The following PTPRM variants were observed in gnomAD, a reference collection of about 807,000 sequenced individuals.
PTPRM encodes receptor-type tyrosine-protein phosphatase mu.
PTPRM carries 47 observed loss-of-function variants against 186.7 expected under a neutral mutation model. The ratio of observed to expected loss-of-function variants is 0.25; its 90% confidence interval spans 0.20 to 0.32. The LOEUF (loss-of-function observed/expected upper bound fraction) is 0.32. Among genes scored for constraint, PTPRM ranks in the 10% least tolerant of loss-of-function variants. The probability of loss-of-function intolerance (pLI) is 1.00; values close to 1 mark genes in which losing one functional copy is unlikely to be tolerated. For synonymous variants in PTPRM, 668 were observed against 674.9 expected (o/e 0.99, Z 0.16); for missense variants, 1,494 against 1,865.0 (o/e 0.80, Z 3.66).
At chr18:8,150,967 C>T (rs967067839) in intron 14 of PTPRM, among the ~76,000 whole-genome samples, 6 of 152,112 alleles carry the variant, frequency 3.9e-5, no homozygotes, top group African/African-American at 1.4e-4. Flanking sequence ...AGACAGCAGA[C>T]CAGCAAAGAT....
chr18:7,568,622 C>G lies in PTPRM; in HGVS notation c.73+731C>G, dbSNP rs527668002. ...CACCCTCGTCCCCCTAGCGGAGCGC[C>G]GCGGCCAGCTGCAACTTGTTCATCC... On this transcript the variant is annotated intron_variant, in intron 1 of 32. Coordinates refer to ENST00000580170, the MANE Select transcript of PTPRM (RefSeq NM_001105244.2). This position sits in a 1 kb window ranked among gnomAD's most constrained non-coding sequence, Gnocchi z 5.1. Among the ~76,000 whole-genome samples the G allele has an allele frequency of 6.6e-6, 1 of 152,312 alleles. No homozygotes were observed. Among genetic ancestry groups the G allele is most frequent in the Non-Finnish European group, 1.5e-5 (1 of 68,014 alleles).
intron 7 of PTPRM, among the ~76,000 whole-genome samples, chr18:7,966,592 G>T (rs554966251): frequency 6.9e-5 from 10 of 144,356 alleles, no homozygotes; most frequent in South Asian, 4.5e-4. Context: ...CAGGTCAGTG[G>T]GTGCGCGCAC....
chr18:8,269,224 A>G (rs1041790921), intron 19 of PTPRM, among the ~76,000 whole-genome samples: 3 of 152,062 alleles, frequency 2.0e-5, no homozygotes, highest in African/African-American at 7.2e-5. Flanking sequence ...CAAAATAAAC[A>G]TACAAAAATC....
chr18:7,948,626 G>A (rs150708674), intron 5 of PTPRM, among the ~76,000 whole-genome samples: 146 of 152,286 alleles, frequency 9.6e-4, no homozygotes, highest in African/African-American at 3.5e-3. Context: ...TAGTTACTAG[G>A]CACCTAATTC....
At chr18:8,167,958 A>C (rs1367407066) in intron 14 of PTPRM, among the ~76,000 whole-genome samples, 1 of 152,180 alleles carries the variant, frequency 6.6e-6, no homozygotes, top group Non-Finnish European at 1.5e-5. Flanking sequence ...CTGGCATTAG[A>C]GCTCTAAACT....
intron 9 of PTPRM, among the ~76,000 whole-genome samples, chr18:8,080,654 C>T (rs973710926): frequency 6.6e-6 from 1 of 152,108 alleles, no homozygotes; most frequent in Non-Finnish European, 1.5e-5. Context: ...GGCTGTTAGT[C>T]ACCATCAGCT....
At chr18:8,160,042 A>G (rs1436224232) in intron 14 of PTPRM, among the ~76,000 whole-genome samples, 2 of 152,118 alleles carry the variant, frequency 1.3e-5, no homozygotes, top group African/African-American at 4.8e-5. Flanking sequence ...GAATAGGAGT[A>G]CCTTTAAATT....
chr18:7,984,608 C>T (rs372104545), intron 7 of PTPRM, among the ~76,000 whole-genome samples: 1,359 of 114,674 alleles, frequency 0.012, 13 homozygotes, highest in African/African-American at 0.033. Context: ...TATATACACA[C>T]ACACACACAC....
At chr18:7,716,724 A>G (rs763136558) in intron 1 of PTPRM, among the ~76,000 whole-genome samples, 3 of 152,188 alleles carry the variant, frequency 2.0e-5, no homozygotes, top group Non-Finnish European at 4.4e-5. Flanking sequence ...ATAAACATGA[A>G]AAAAGCTCAT....
rs754718399 is a variant in PTPRM at position 7,955,421 on chromosome 18, A to G, written c.1132+7A>G. 14 of 1,603,004 alleles carry G rather than the reference A, an allele frequency of 8.7e-6. No homozygotes were observed. Among genetic ancestry groups the G allele is most frequent in the Non-Finnish European group, 1.1e-5 (13 of 1,172,788 alleles). On this transcript the variant is annotated splice_region_variant and intron_variant, in intron 7 of 32. Coordinates refer to ENST00000580170, the MANE Select transcript of PTPRM (RefSeq NM_001105244.2). ...ACAAGAACAAAGTGTGCTGGTGAGTATAAGGAACCCTGCAATTAATTGTCA... is the reference window on the plus strand; with the variant it reads ...ACAAGAACAAAGTGTGCTGGTGAGTGTAAGGAACCCTGCAATTAATTGTCA...
intron 29 of PTPRM, among the ~76,000 whole-genome samples, chr18:8,383,897 G>A (rs906762434): frequency 7.2e-5 from 11 of 152,198 alleles, no homozygotes; most frequent in African/African-American, 2.4e-5. Context: ...ATCCTGGGGT[G>A]GCACCTAGTG....
intron 1 of PTPRM, among the ~76,000 whole-genome samples, chr18:7,701,262 C>G (rs2039959699): frequency 6.7e-6 from 1 of 148,506 alleles, no homozygotes. Flanking sequence ...TGAGATCACA[C>G]CACTGCACGC....
chr18:8,165,677 G>A (rs1158853586), intron 14 of PTPRM, among the ~76,000 whole-genome samples: 10 of 152,306 alleles, frequency 6.6e-5, no homozygotes, highest in African/African-American at 1.4e-4. Flanking sequence ...TGAAATATGG[G>A]TAGTGTCAGG....
At chr18:7,711,388 A>G (rs2040210323) in intron 1 of PTPRM, among the ~76,000 whole-genome samples, 1 of 152,204 alleles carries the variant, frequency 6.6e-6, no homozygotes, top group South Asian at 2.1e-4. Context: ...CTGGGTTTCA[A>G]GCACAAAACT....
chr18:7,821,585 G>A (rs945982899), intron 2 of PTPRM, among the ~76,000 whole-genome samples: 1 of 151,986 alleles, frequency 6.6e-6, no homozygotes, highest in Non-Finnish European at 1.5e-5. Context: ...ATATACCTAT[G>A]ATGATGTTTA....
At chr18:7,995,441 C>T (rs1461603483) in intron 7 of PTPRM, 1 of 152,066 alleles carries the variant, frequency 6.6e-6, no homozygotes, top group African/African-American at 2.4e-5. Flanking sequence ...CAAGCATAAC[C>T]CTGATACCAA....
intron 13 of PTPRM, among the ~76,000 whole-genome samples, chr18:8,122,577 TG>T (rs756243392): frequency 4.6e-5 from 7 of 152,258 alleles, no homozygotes; most frequent in African/African-American, 2.4e-5. Flanking sequence ...TCTAGACTAA[TG>T]TTATATAGAA....
At chr18:8,179,077 T>C (rs568365085) in intron 14 of PTPRM, among the ~76,000 whole-genome samples, 1 of 152,312 alleles carries the variant, frequency 6.6e-6, no homozygotes, top group South Asian at 2.1e-4. Context: ...TTATTATCTC[T>C]ATAAGTCAGA....
chr18:7,835,239 A>G (rs1317068838), intron 2 of PTPRM, among the ~76,000 whole-genome samples: 1 of 146,848 alleles, frequency 6.8e-6, no homozygotes, highest in Non-Finnish European at 1.5e-5. Context: ...TTTCCTCTTA[A>G]TAGTGCTTTT....
Sources: gnomAD v4.1 joint callset for allele counts (sites outside exome capture counted in the v4.1 genomes callset) on GRCh38, gnomAD v4.1.1 for gene constraint, Gnocchi (gnomAD v3.1) non-coding constraint, MANE v1.5 for transcripts, NCBI Gene and HGNC (gene_info 2026-07-23, HGNC 2026-07-21) for gene names.